Variants in GRIA4 observed in about 807,000 individuals in gnomAD.
GRIA4 encodes the protein glutamate receptor 4.
In GRIA4, 34 loss-of-function variants were observed where a neutral mutation model predicts 104.0. The ratio of observed to expected loss-of-function variants is 0.33; its 90% CI spans 0.25 to 0.44. The LOEUF is 0.44. Ranked by LOEUF, GRIA4 falls within the 20% of genes least tolerant of loss-of-function variation. The probability of loss-of-function intolerance (pLI) is 1.00; values close to 1 mark genes in which losing one functional copy is unlikely to be tolerated. For missense variants in GRIA4, 750 were observed against 1,096.5 expected, an observed-to-expected ratio of 0.68 and a Z score of 4.46; for synonymous variants, 386 against 381.9, an observed-to-expected ratio of 1.01 and a Z score of -0.13.
At chr11:105,733,208 C>A (rs1938711464) in intron 3 of GRIA4, among the ~76,000 whole-genome samples, 1 of 152,102 alleles carries the variant, frequency 6.6e-6, no homozygotes, top group African/African-American at 2.4e-5. Flanking sequence ...TAATTATAAC[C>A]AATGTTATCT....
chr11:105,833,226 G>A (rs1008210694), intron 4 of GRIA4, among the ~76,000 whole-genome samples: 1 of 151,904 alleles, frequency 6.6e-6, no homozygotes, highest in Non-Finnish European at 1.5e-5. Flanking sequence ...CTTGGGTTAC[G>A]ATAGGGTTAT....
intron 4 of GRIA4, among the ~76,000 whole-genome samples, chr11:105,849,315 A>C (rs1404779919): frequency 6.6e-6 from 1 of 152,254 alleles, no homozygotes; most frequent in Non-Finnish European, 1.5e-5. Flanking sequence ...CATACTGGTC[A>C]GCCTCTTCTA....
intron 5 of GRIA4, among the ~76,000 whole-genome samples, chr11:105,883,067 GCTT>G (rs1946121836): frequency 6.6e-6 from 1 of 151,806 alleles, no homozygotes; most frequent in African/African-American, 2.4e-5. Flanking sequence ...ACAACTCTCT[GCTT>G]CTTAAAAAAC....
chr11:105,639,826 T>A (rs1378183669), intron 3 of GRIA4, among the ~76,000 whole-genome samples: 1 of 151,986 alleles, frequency 6.6e-6, no homozygotes, highest in Non-Finnish European at 1.5e-5. Context: ...CTTACTGATA[T>A]AAAAGTAGTA....
chr11:105,810,992 T>C (rs1306814642), intron 4 of GRIA4, among the ~76,000 whole-genome samples: 1 of 152,206 alleles, frequency 6.6e-6, no homozygotes, highest in African/African-American at 2.4e-5. Context: ...ATGTATGCAA[T>C]CCTTATTGTA....
At chr11:105,732,408 C>A (rs533182971) in intron 3 of GRIA4, among the ~76,000 whole-genome samples, 19 of 152,124 alleles carry the variant, frequency 1.2e-4, no homozygotes, top group Admixed American at 1.1e-3. Flanking sequence ...TATTAGCAGC[C>A]GTGTGTTTCT....
chr11:105,768,557 CAG>C (rs1476407410), intron 4 of GRIA4, among the ~76,000 whole-genome samples: 1 of 152,020 alleles, frequency 6.6e-6, no homozygotes, highest in African/African-American at 2.4e-5. Context: ...AAATTATACT[CAG>C]TACCTTTTCA....
rs117992578 is a variant in GRIA4 at position 105,938,092 on chromosome 11, A to G, written c.2294+4123A>G. 2.0e-4 allele frequency among the ~76,000 whole-genome samples: 31 copies of G among 152,346 alleles called. No individual in the cohort carries two copies. The East Asian group carries it at 5.8e-3, about 28-fold the overall frequency. ...ACACTTGGCCTTAGCCTAGATCTAC[A>G]TTGGAGTGAGTAGAGTTCTATGTAG... On this transcript the variant is annotated intron_variant, in intron 14 of 16. Transcript: ENST00000282499.
intron 3 of GRIA4, among the ~76,000 whole-genome samples, chr11:105,667,023 G>GATTTCCT (rs903329218): frequency 6.6e-6 from 1 of 151,656 alleles, no homozygotes; most frequent in African/African-American, 2.4e-5. Flanking sequence ...TCCTACAATG[G>GATTTCCT]ATTTCCTAAT....
chr11:105,936,700 C>T (rs114758799), intron 14 of GRIA4, among the ~76,000 whole-genome samples: 139 of 152,148 alleles, frequency 9.1e-4, no homozygotes, highest in African/African-American at 3.2e-3. Flanking sequence ...CGATATATAA[C>T]CAGAATTGAA....
intron 6 of GRIA4, among the ~76,000 whole-genome samples, chr11:105,895,404 G>T (rs1199095919): frequency 6.6e-6 from 1 of 151,618 alleles, no homozygotes; most frequent in Non-Finnish European, 1.5e-5. Flanking sequence ...ATTTTTATAA[G>T]GTACCTAAAA....
chr11:105,716,692 A>G (rs1410555877), intron 3 of GRIA4, among the ~76,000 whole-genome samples: 5 of 152,172 alleles, frequency 3.3e-5, no homozygotes, highest in Admixed American at 6.6e-5. Context: ...GTTTGCACTT[A>G]ACATCAATTT....
At chr11:105,967,697 G>T (rs1475653036) in intron 14 of GRIA4, among the ~76,000 whole-genome samples, 2 of 68,090 alleles carry the variant, frequency 2.9e-5, no homozygotes. Flanking sequence ...GAATGTGTTT[G>T]TATACCAAAA....
Position 105,926,820 on chromosome 11 carries a change from G to A in GRIA4, c.1927G>A (p.Ala643Thr), listed in dbSNP as rs1385167884. 2 of 1,610,450 alleles carry A rather than the reference G, an allele frequency of 1.2e-6. No homozygotes were observed. The highest frequency in any genetic ancestry group is 1.7e-5 in the Admixed American group (1 of 59,878). ...IIISSYTANL[A>T]AFLTVERMVS... is the part of the protein sequence containing the mutation. ...TATATCATCTTATACTGCTAACCTC[G>A]CTGCTTTCCTGACGGTTGAGCGAAT... Residue 643 changes from alanine to threonine, a missense_variant, in exon 13 of 17, where the codon GCT (alanine) becomes ACT (threonine). By Grantham distance (58) the Ala-to-Thr change is moderately conservative. Around this residue, in one of 3 missense-constraint regions of GRIA4, gnomAD observed 272 missense variants for 524.5 expected, o/e 0.52. Coordinates refer to ENST00000282499, the MANE Select transcript of GRIA4 (RefSeq NM_000829.4).
chr11:105,635,703 C>A (rs1951185227), intron 3 of GRIA4, among the ~76,000 whole-genome samples: 1 of 152,150 alleles, frequency 6.6e-6, no homozygotes, highest in Non-Finnish European at 1.5e-5. Flanking sequence ...ACCAAACAGT[C>A]CCTTTCAGTG....
At chr11:105,746,986 AAG>A (rs1939698776) in intron 3 of GRIA4, among the ~76,000 whole-genome samples, 1 of 152,190 alleles carries the variant, frequency 6.6e-6, no homozygotes, top group Non-Finnish European at 1.5e-5. Flanking sequence ...CCCTGGCTCA[AAG>A]AGTAATCCTA....
chr11:105,673,132 G>A (rs1942969), intron 3 of GRIA4, among the ~76,000 whole-genome samples: 147,944 of 152,148 alleles, frequency 0.97, 72,033 homozygotes, highest in Non-Finnish European at 1. Context: ...CTCACTGCAT[G>A]CTACTTACCT....
chr11:105,784,826 G>GA (rs1591252495), intron 4 of GRIA4, among the ~76,000 whole-genome samples: 1 of 151,904 alleles, frequency 6.6e-6, no homozygotes, highest in Non-Finnish European at 1.5e-5. Context: ...CTTTTGCAAA[G>GA]AAAAAAATAT....
intron 14 of GRIA4, among the ~76,000 whole-genome samples, chr11:105,951,449 T>C (rs889493910): frequency 1.3e-5 from 2 of 152,328 alleles, no homozygotes; most frequent in African/African-American, 2.4e-5. Flanking sequence ...TAGCTAGGCA[T>C]GGTCTCATTT....
Sources: gnomAD v4.1 joint callset for allele counts (sites outside exome capture counted in the v4.1 genomes callset) on GRCh38, gnomAD v4.1.1 for gene constraint, gnomAD v4.1.1 regional missense constraint, MANE v1.5 for transcripts, NCBI Gene and HGNC (gene_info 2026-07-23, HGNC 2026-07-21) for gene names.